Variants in HOMER2 observed in about 807,000 individuals in gnomAD.
HOMER2 encodes homer scaffold protein 2, also known as homer protein homolog 2.
In HOMER2, 27 loss-of-function variants were observed where a neutral mutation model predicts 47.0. The observed-to-expected ratio is 0.57, with a 90% CI of 0.42 to 0.79. The LOEUF (loss-of-function observed/expected upper bound fraction) is 0.79, where lower values mean the gene tolerates loss of function less well. Ranked by LOEUF, HOMER2 falls within the 30% of genes least tolerant of loss-of-function variation. The pLI is 0.00. For missense variants in HOMER2, 443 were observed against 435.0 expected (o/e 1.02, Z -0.16); for synonymous variants, 161 against 163.8 (o/e 0.98, Z 0.13).
chr15:82,852,582 G>T, intron 6 of HOMER2: 1 of 244,948 alleles, frequency 4.1e-6, no homozygotes, highest in Non-Finnish European at 7.8e-6. Flanking sequence ...TTTGCTTTAA[G>T]GATCCATCAC....
intron 2 of HOMER2, among the ~76,000 whole-genome samples, chr15:82,890,795 C>T (rs1432720096): frequency 2.0e-5 from 3 of 152,170 alleles, no homozygotes; most frequent in Non-Finnish European, 2.9e-5. Context: ...GATGAACTGG[C>T]AGAATCTATA....
rs1192468217 is a variant in HOMER2 at position 82,952,684 on chromosome 15, T to G, written c.-149A>C. On this transcript the variant is annotated 5_prime_UTR_variant, in exon 1 of 9. Coordinates refer to ENST00000450735, the MANE Select transcript of HOMER2 (RefSeq NM_004839.4). ...GCTCCATTCCGCGGGGCTGCGCGGC[T>G]GCCACTGCTGCCACTGCCGCCACCG... is the stretch of plus-strand genomic sequence containing the variant. 1 of 987,328 alleles carries G rather than the reference T, an allele frequency of 1.0e-6. No individual in the cohort carries two copies. The highest frequency in any genetic ancestry group is 1.2e-6 in the Non-Finnish European group (1 of 832,560). 61.2% of individuals were successfully genotyped at this position (987,328 alleles called of 1,614,324 possible).
At chr15:82,963,603 T>C (rs193169668) in intron 1 of HOMER2, among the ~76,000 whole-genome samples, 107 of 152,362 alleles carry the variant, frequency 7.0e-4, no homozygotes, top group African/African-American at 2.2e-3. Context: ...TCAATACTTC[T>C]GGGATGGGGT....
intron 2 of HOMER2, among the ~76,000 whole-genome samples, chr15:82,890,599 A>G (rs1346731166): frequency 3.3e-5 from 5 of 152,076 alleles, no homozygotes; most frequent in African/African-American, 4.8e-5. Flanking sequence ...ACCCCACCAC[A>G]TTGTCACAGC....
At chr15:82,914,773 G>T (rs1370740904) in intron 1 of HOMER2, among the ~76,000 whole-genome samples, 1 of 152,194 alleles carries the variant, frequency 6.6e-6, no homozygotes, top group Non-Finnish European at 1.5e-5. Flanking sequence ...TGAGGTCGGG[G>T]ATGGCTTCAC....
At chr15:82,974,292 CA>C (rs954726657) in intron 1 of HOMER2, among the ~76,000 whole-genome samples, 1 of 149,920 alleles carries the variant, frequency 6.7e-6, no homozygotes, top group Non-Finnish European at 1.5e-5. Flanking sequence ...TAGTCCCAGC[CA>C]CTCGGGAGGC....
chr15:82,855,273 C>T (rs996446040), intron 5 of HOMER2, among the ~76,000 whole-genome samples: 1 of 134,034 alleles, frequency 7.5e-6, no homozygotes, highest in Non-Finnish European at 1.5e-5. Context: ...TTGCAGTGAG[C>T]CGAGATCACG....
intron 2 of HOMER2, among the ~76,000 whole-genome samples, chr15:82,878,593 CTTCT>C (rs1364503374): frequency 6.6e-6 from 1 of 152,186 alleles, no homozygotes; most frequent in African/African-American, 2.4e-5. Context: ...TCTCTCCTTG[CTTCT>C]ACTTCTGGGA....
At chr15:82,929,416 G>A (rs2053946850) in intron 1 of HOMER2, among the ~76,000 whole-genome samples, 1 of 152,034 alleles carries the variant, frequency 6.6e-6, no homozygotes, top group African/African-American at 2.4e-5. Context: ...AGCACTTTGG[G>A]AGGTCAAGGC....
intron 2 of HOMER2, among the ~76,000 whole-genome samples, chr15:82,882,367 G>C (rs1353181140): frequency 2.6e-5 from 4 of 152,178 alleles, no homozygotes; most frequent in Non-Finnish European, 4.4e-5. Flanking sequence ...CCCTGGCTTG[G>C]TGCTAGGACT....
intron 1 of HOMER2, among the ~76,000 whole-genome samples, chr15:82,918,459 G>A (rs957322778): frequency 6.6e-6 from 1 of 152,078 alleles, no homozygotes; most frequent in African/African-American, 2.4e-5. Context: ...CCTCATTTCC[G>A]TGTCCTACTT....
chr15:82,952,431 G>A (rs2054527305), intron 1 of HOMER2, 100 bp downstream of exon 1: 1 of 868,668 alleles, frequency 1.2e-6, no homozygotes. Flanking sequence ...GGGAGGCGGG[G>A]GCCGGCCCGC....
intron 1 of HOMER2, among the ~76,000 whole-genome samples, chr15:82,921,024 G>A (rs1463146974): frequency 6.6e-6 from 1 of 152,092 alleles, no homozygotes; most frequent in African/African-American, 2.4e-5. Context: ...GACGGGCATG[G>A]TGGCTCACAC....
At chr15:82,870,754 T>A (rs761030979) in intron 3 of HOMER2, among the ~76,000 whole-genome samples, 21 of 152,318 alleles carry the variant, frequency 1.4e-4, no homozygotes, top group Admixed American at 2.6e-4. Context: ...AGTGACTACA[T>A]GGGGACAAAT....
At chr15:82,925,485 A>G (rs914376616) in intron 1 of HOMER2, among the ~76,000 whole-genome samples, 1 of 152,222 alleles carries the variant, frequency 6.6e-6, no homozygotes, top group Non-Finnish European at 1.5e-5. Flanking sequence ...GGTGGCATGC[A>G]TAAAATGAGG....
chr15:82,900,492 T>C (rs1276391589), intron 1 of HOMER2, among the ~76,000 whole-genome samples: 7 of 152,166 alleles, frequency 4.6e-5, no homozygotes, highest in Non-Finnish European at 7.3e-5. Context: ...GAAAACTCTA[T>C]GTGAGGACAG....
intron 1 of HOMER2, among the ~76,000 whole-genome samples, chr15:82,950,148 C>T (rs2054475362): frequency 6.6e-6 from 1 of 152,046 alleles, no homozygotes; most frequent in South Asian, 2.1e-4. Context: ...AGGTGCCTAT[C>T]TTGTCAATTG....
At chr15:82,957,963 A>T (rs911040756), downstream of HOMER2, among the ~76,000 whole-genome samples, 8 of 152,148 alleles carry the variant, frequency 5.3e-5, no homozygotes, top group East Asian at 1.9e-4. Flanking sequence ...TCAGCCTCCC[A>T]AGTAGCTCGG....
chr15:82,963,324 A>G lies in HOMER2; in HGVS notation n.83-4016T>C, dbSNP rs146877288. ...ACGATGGTCTCAAACACCTAGGCTC[A>G]AGTGATCCTCCTGCCTCAGCCCCTC... On this transcript the variant is annotated intron_variant and non_coding_transcript_variant, in intron 1 of 1. Coordinates refer to the HOMER2 transcript ENST00000500334. Among the ~76,000 whole-genome samples, 522 of 152,186 alleles carry G rather than the reference A, an allele frequency of 3.4e-3. 2 individuals carry two copies. Among genetic ancestry groups the G allele is most frequent in the Non-Finnish European group, 5.7e-3 (387 of 67,984 alleles).
Sources: allele counts gnomAD v4.1 joint callset (sites outside exome capture counted in the v4.1 genomes callset), GRCh38; gene constraint gnomAD v4.1.1; transcripts MANE v1.5; gene names NCBI Gene and HGNC (gene_info 2026-07-23, HGNC 2026-07-21).